Variants in LATS2 observed in about 807,000 individuals in gnomAD.
The protein encoded by LATS2 is serine/threonine-protein kinase LATS2.
A neutral mutation model predicts 76.0 loss-of-function variants in LATS2; 24 were observed. The ratio of observed to expected loss-of-function variants is 0.32; its 90% CI spans 0.23 to 0.44. The LOEUF is 0.44. Ranked by LOEUF, LATS2 falls within the 20% of genes least tolerant of loss-of-function variation. LATS2 has a pLI of 1.00. For missense variants in LATS2, 1,286 were observed against 1,481.2 expected (o/e 0.87, Z 2.16); for synonymous variants, 692 against 635.4 (o/e 1.09, Z -1.34).
Position 20,988,380 on chromosome 13 carries a change from G to A in LATS2, c.1400C>T (p.Pro467Leu), listed in dbSNP as rs1163030413. Residue 467 changes from proline to leucine, a missense_variant, in exon 4 of 8, where the codon CCC becomes CTC. Coordinates refer to ENST00000382592, the MANE Select transcript of LATS2 (RefSeq NM_014572.3). Reference protein sequence around the residue: ...AVGPSHPAWVPAPAPAPAPAP... With the variant: ...AVGPSHPAWVLAPAPAPAPAP... The stretch of plus-strand genomic sequence containing the variant: ...GGGGGCGGGGGCCGGGGCAGGCGCG[G>A]GCACCCAGGCGGGGTGCGAGGGCCC... The A allele has an allele frequency of 1.5e-6, 2 of 1,363,968 alleles. No homozygotes were observed. Among genetic ancestry groups the A allele is most frequent in the Non-Finnish European group, 1.9e-6 (2 of 1,067,238 alleles). The allele number at this position is 1,363,968 out of a possible 1,614,324, so 84.5% of individuals were successfully genotyped here. A position where few individuals can be genotyped will look rare whatever the true frequency, so the allele number is the denominator to read the frequency against.
Position 20,988,343 on chromosome 13 carries a change from C to CGGGCG in LATS2, c.1436_1437insCGCCC (p.Ala481ArgfsTer180). The CGGGCG allele has an allele frequency of 7.7e-7, 1 of 1,298,770 alleles. No homozygotes were observed. The highest frequency in any genetic ancestry group is 1.7e-5 in the South Asian group (1 of 57,200). The allele number at this position is 1,298,770 out of a possible 1,614,324, so 80.5% of individuals were successfully genotyped here. A position where few individuals can be genotyped will look rare whatever the true frequency, so the allele number is the denominator to read the frequency against. The stretch of plus-strand genomic sequence containing the variant: ...CCTTGGCGTCCAAGCCCTCCGCAGC[C>CGGGCG]GGGGCGGGGGCGGGGGCGGGGGCCG... On this transcript the variant is annotated frameshift_variant, in exon 4 of 8. Transcript: ENST00000382592. LOFTEE classifies it high-confidence loss of function.
At chr13:21,050,110 ACT>A (rs149602943) in intron 1 of LATS2, among the ~76,000 whole-genome samples, 2,431 of 150,958 alleles carry the variant, frequency 0.016, 63 homozygotes, top group African/African-American at 0.056. Context: ...ACAGAGGGAG[ACT>A]CTGTCTCATA....
intron 2 of LATS2, among the ~76,000 whole-genome samples, chr13:20,996,296 C>T (rs1312990658): frequency 6.6e-6 from 1 of 152,004 alleles, no homozygotes; most frequent in Admixed American, 6.6e-5. Flanking sequence ...ACCTTGGAAG[C>T]ATCTTGACTT....
intron 6 of LATS2, among the ~76,000 whole-genome samples, 164 bp downstream of exon 6, chr13:20,981,302 G>A (rs1263099364): frequency 6.6e-6 from 1 of 152,228 alleles, no homozygotes; most frequent in Admixed American, 6.5e-5. Context: ...TCCAGGACAG[G>A]AGGGAGGCTT....
chr13:21,043,945 A>T (rs1872974928), intron 2 of LATS2, among the ~76,000 whole-genome samples: 2 of 152,218 alleles, frequency 1.3e-5, no homozygotes, highest in African/African-American at 4.8e-5. Flanking sequence ...ATCTTACTCC[A>T]GATTTCCCCA....
chr13:21,028,670 A>G (rs1192220251), intron 2 of LATS2, among the ~76,000 whole-genome samples: 1 of 152,164 alleles, frequency 6.6e-6, no homozygotes, highest in Non-Finnish European at 1.5e-5. Flanking sequence ...TCCCGGGTTC[A>G]AGCAATTCTC....
chr13:21,012,860 T>C lies in LATS2; in HGVS notation c.343-21456A>G, dbSNP rs998475224. ...ATGAACAAACTGAGGCTAAAATAGA[T>C]TAGCTTTTTACCTAAAGTTACAAAG... On this transcript the variant is annotated intron_variant, in intron 2 of 7. Coordinates refer to ENST00000382592, the MANE Select transcript of LATS2 (RefSeq NM_014572.3). 7.2e-5 allele frequency among the ~76,000 whole-genome samples: 11 copies of C among 151,982 alleles called. 1 individual carries two copies. Among genetic ancestry groups the C allele is most frequent in the Admixed American group, 6.6e-4 (10 of 15,244 alleles).
At chr13:21,040,376 C>CAAAAAAAAAAAAAAA (rs141897751) in intron 2 of LATS2, among the ~76,000 whole-genome samples, 1 of 108,748 alleles carries the variant, frequency 9.2e-6, no homozygotes, top group African/African-American at 3.6e-5. Flanking sequence ...GACCTTGTCT[C>CAAAAAAAAAAAAAAA]AAAAAAAAAA....
chr13:20,983,820 AAAGG>A lies in LATS2; in HGVS notation c.1900-18_1900-15del. ...ACAGAGTCCAGCCTGTGTAGAAGGAAAAGGAAGGAGGAAGAATCACATTAGAGAA... is the reference window on the plus strand; with the variant it reads ...ACAGAGTCCAGCCTGTGTAGAAGGAAAAGGAGGAAGAATCACATTAGAGAA... On this transcript the variant is annotated splice_polypyrimidine_tract_variant and intron_variant, in intron 4 of 7. Transcript: ENST00000382592. 6.3e-7 allele frequency: 1 copy of A among 1,592,052 alleles called. No individual in the cohort carries two copies. The highest frequency in any genetic ancestry group is 8.6e-7 in the Non-Finnish European group (1 of 1,168,134).
rs113340999 is a variant in LATS2, at chr13:20,980,028, A to C, written c.2666-231T>G. 7.8e-4 allele frequency among the ~76,000 whole-genome samples: 119 copies of C among 152,330 alleles called. 1 individual carries two copies. Among genetic ancestry groups the C allele is most frequent in the African/African-American group, 2.8e-3 (117 of 41,562 alleles). ...GTATTTTTAATCATTGTAATAAGAAAATACTTTTTAATTTAAAAAGATTAT... is the reference window on the plus strand; with the variant it reads ...GTATTTTTAATCATTGTAATAAGAACATACTTTTTAATTTAAAAAGATTAT... On this transcript the variant is annotated intron_variant, in intron 6 of 7. Transcript: ENST00000382592.
At chr13:21,003,876 G>C (rs2138323670) in intron 2 of LATS2, among the ~76,000 whole-genome samples, 1 of 152,274 alleles carries the variant, frequency 6.6e-6, no homozygotes, top group African/African-American at 2.4e-5. Context: ...GCCTGGCCAG[G>C]AGTGTCTTTT....
At chr13:21,006,013 T>C (rs1379862062) in intron 2 of LATS2, among the ~76,000 whole-genome samples, 1 of 151,962 alleles carries the variant, frequency 6.6e-6, no homozygotes, top group African/African-American at 2.4e-5. Context: ...GGCGCATGTC[T>C]GTAATCCCAG....
At chr13:21,014,407 C>T (rs930586374) in intron 2 of LATS2, among the ~76,000 whole-genome samples, 2 of 152,218 alleles carry the variant, frequency 1.3e-5, no homozygotes, top group Non-Finnish European at 1.5e-5. Flanking sequence ...ACCCACTCCT[C>T]ACTGCCACCG....
intron 2 of LATS2, among the ~76,000 whole-genome samples, chr13:21,034,859 G>T (rs1341559704): frequency 6.6e-6 from 1 of 152,112 alleles, no homozygotes; most frequent in Non-Finnish European, 1.5e-5. Context: ...TAACAAATAA[G>T]TCAATTATAG....
intron 6 of LATS2, among the ~76,000 whole-genome samples, chr13:20,981,061 C>A (rs1331237025): frequency 6.6e-6 from 1 of 152,218 alleles, no homozygotes; most frequent in Non-Finnish European, 1.5e-5. Flanking sequence ...AAGCACCCAG[C>A]TGCACACGGC....
chr13:20,985,283 A>G (rs956973542), intron 4 of LATS2, among the ~76,000 whole-genome samples: 10 of 152,232 alleles, frequency 6.6e-5, no homozygotes, highest in Non-Finnish European at 1.2e-4. Flanking sequence ...ATATTAAGCT[A>G]AAAAGCTTCT....
chr13:20,978,136 C>T (rs140233821), intron 7 of LATS2, among the ~76,000 whole-genome samples: 2 of 152,218 alleles, frequency 1.3e-5, no homozygotes, highest in Non-Finnish European at 2.9e-5. Context: ...AGGCTAGTCT[C>T]GATCTCCTGA....
chr13:21,033,920 A>G (rs1289798984), intron 2 of LATS2, among the ~76,000 whole-genome samples: 1 of 152,086 alleles, frequency 6.6e-6, no homozygotes, highest in Non-Finnish European at 1.5e-5. Context: ...AAGGACACAC[A>G]CATTCCACAA....
At position 20,974,587 on chromosome 13, in the gene LATS2, G is replaced by A; in HGVS notation, c.*283C>T. On this transcript the variant is annotated 3_prime_UTR_variant, in exon 8 of 8. Transcript: ENST00000382592. ...TCCCTATAATTTAGTAAGAAAAAAT[G>A]GATATAAACAAAATAAGTGCTCTTT... 1 of 341,110 alleles carries A rather than the reference G, an allele frequency of 2.9e-6. No individual in the cohort carries two copies. The highest frequency in any genetic ancestry group is 4.3e-5 in the Admixed American group (1 of 22,990). The allele number at this position is 341,110 out of a possible 1,614,324, so 21.1% of individuals were successfully genotyped here.
Sources: allele counts gnomAD v4.1 joint callset (sites outside exome capture counted in the v4.1 genomes callset), GRCh38; gene constraint gnomAD v4.1.1; transcripts MANE v1.5; gene names NCBI Gene and HGNC (gene_info 2026-07-23, HGNC 2026-07-21).